The following ANK2 variants were observed in gnomAD, a reference collection of about 807,000 sequenced individuals.
ANK2 encodes ankyrin 2.
ANK2 carries 83 observed loss-of-function variants against 360.5 expected under a neutral mutation model. The ratio of observed to expected loss-of-function variants is 0.23; its 90% confidence interval spans 0.19 to 0.28. The LOEUF (loss-of-function observed/expected upper bound fraction) is 0.28. Ranked by LOEUF, ANK2 falls within the 10% of genes least tolerant of loss-of-function variation. The pLI, the probability that ANK2 is intolerant of heterozygous loss-of-function variation, is 1.00. For synonymous variants in ANK2, 1,740 were observed against 1,759.5 expected, an observed-to-expected ratio of 0.99 and a Z score of 0.28; for missense variants, 4,201 against 4,795.7, an observed-to-expected ratio of 0.88 and a Z score of 3.66.
chr4:112,870,974 C>A (rs2072779424), intron 1 of ANK2, among the ~76,000 whole-genome samples: 1 of 152,088 alleles, frequency 6.6e-6, no homozygotes, highest in South Asian at 2.1e-4. Context: ...CAGTATTGTG[C>A]AGTTTTCAGT....
At chr4:112,819,044 C>T (rs1409775352) in intron 1 of ANK2, among the ~76,000 whole-genome samples, 2 of 152,162 alleles carry the variant, frequency 1.3e-5, no homozygotes, top group African/African-American at 2.4e-5. Context: ...GCACCACATT[C>T]CCACACTCAT....
chr4:112,893,203 A>G (rs2080642294), intron 1 of ANK2, among the ~76,000 whole-genome samples: 1 of 152,186 alleles, frequency 6.6e-6, no homozygotes, highest in South Asian at 2.1e-4. Context: ...GGGAAAGTGC[A>G]TTATACCTAT....
chr4:113,076,079 A>G (rs2079820469), intron 1 of ANK2, among the ~76,000 whole-genome samples: 1 of 152,202 alleles, frequency 6.6e-6, no homozygotes, highest in African/African-American at 2.4e-5. Flanking sequence ...GAGAAAACAA[A>G]AACAAAAAAC....
the ANK2 span, among the ~76,000 whole-genome samples, chr4:112,749,373 A>G: frequency 6.6e-6 from 1 of 152,202 alleles, no homozygotes; most frequent in East Asian, 1.9e-4. Flanking sequence ...CTCTGGTGGG[A>G]AAAAATGTTT....
At chr4:113,056,351 T>C (rs1357389033) in intron 1 of ANK2, among the ~76,000 whole-genome samples, 1 of 152,216 alleles carries the variant, frequency 6.6e-6, no homozygotes, top group Non-Finnish European at 1.5e-5. Context: ...TCCTTCTTGA[T>C]AAAGTTTCTA....
At chr4:113,153,386 T>A (rs1484081181) in intron 1 of ANK2, among the ~76,000 whole-genome samples, 2 of 152,178 alleles carry the variant, frequency 1.3e-5, no homozygotes, top group Non-Finnish European at 2.9e-5. Flanking sequence ...AAAACAGAAG[T>A]ACATAGAAAA....
intron 2 of ANK2, among the ~76,000 whole-genome samples, chr4:112,943,298 CTG>C (rs1336346090): frequency 6.6e-6 from 1 of 152,026 alleles, no homozygotes; most frequent in Non-Finnish European, 1.5e-5. Flanking sequence ...TTGTAATAAA[CTG>C]TAAGTTCTTT....
chr4:113,120,030 A>T (rs1349759030), intron 1 of ANK2, among the ~76,000 whole-genome samples: 1 of 152,126 alleles, frequency 6.6e-6, no homozygotes. Context: ...AACAATATAT[A>T]CTAAGAGATC....
chr4:113,378,284 T>G lies in ANK2; in HGVS notation c.11860-3173T>G. 2 of 408,906 alleles carry G rather than the reference T, an allele frequency of 4.9e-6. 1 individual carries two copies. Among genetic ancestry groups the G allele is most frequent in the African/African-American group, 4.2e-5 (2 of 47,414 alleles). The allele number at this position is 408,906 out of a possible 1,614,324, so 25.3% of individuals were successfully genotyped here. A position where few individuals can be genotyped will look rare whatever the true frequency, so the allele number is the denominator to read the frequency against. On this transcript the variant is annotated intron_variant, in intron 45 of 45. Transcript: ENST00000357077. Reference sequence around the variant, plus strand: ...ATCCCTACATCTACCCTAAAGAGGATAGAAAACTGCCTACTCTCCTGTATT... The same window carrying G: ...ATCCCTACATCTACCCTAAAGAGGAGAGAAAACTGCCTACTCTCCTGTATT...
intron 14 of ANK2, among the ~76,000 whole-genome samples, chr4:113,266,358 G>A (rs936860756): frequency 6.6e-6 from 1 of 152,046 alleles, no homozygotes; most frequent in Non-Finnish European, 1.5e-5. Flanking sequence ...TCTATCATTG[G>A]TGGGCATTTG....
intron 2 of ANK2, among the ~76,000 whole-genome samples, chr4:113,015,161 G>A (rs1335320424): frequency 6.6e-6 from 1 of 152,032 alleles, no homozygotes; most frequent in Non-Finnish European, 1.5e-5. Context: ...CCCGGCCAGA[G>A]CTTTTTATCT....
At chr4:113,037,468 G>A (rs1221476289) in intron 2 of ANK2, among the ~76,000 whole-genome samples, 1 of 151,876 alleles carries the variant, frequency 6.6e-6, no homozygotes, top group African/African-American at 2.4e-5. Flanking sequence ...CAAATTAACA[G>A]GCTGGCAAAA....
intron 1 of ANK2, among the ~76,000 whole-genome samples, chr4:112,891,696 C>A (rs1223460834): frequency 6.6e-6 from 1 of 152,044 alleles, no homozygotes; most frequent in African/African-American, 2.4e-5. Context: ...ATTATTAATA[C>A]CATTTAATTG....
the ANK2 span, among the ~76,000 whole-genome samples, chr4:112,758,060 C>G: frequency 7.3e-6 from 1 of 137,184 alleles, no homozygotes; most frequent in Non-Finnish European, 1.5e-5. Flanking sequence ...TGTGCCATCA[C>G]ACCCGGCTAA....
chr4:112,956,607 G>A (rs550012630), intron 2 of ANK2, among the ~76,000 whole-genome samples: 1 of 152,338 alleles, frequency 6.6e-6, no homozygotes, highest in Non-Finnish European at 1.5e-5. Flanking sequence ...CATGTCCTAA[G>A]CAGCATGAGA....
intron 2 of ANK2, among the ~76,000 whole-genome samples, chr4:112,929,514 A>G (rs555552654): frequency 6.6e-6 from 1 of 152,150 alleles, no homozygotes; most frequent in Non-Finnish European, 1.5e-5. Flanking sequence ...CATTTTGAGG[A>G]TTCATTGTGT....
At chr4:113,086,650 A>G (rs2084933535) in intron 1 of ANK2, among the ~76,000 whole-genome samples, 1 of 152,216 alleles carries the variant, frequency 6.6e-6, no homozygotes, top group South Asian at 2.1e-4. Context: ...AAACAAACAA[A>G]CAAAAAAACC....
intron 14 of ANK2, among the ~76,000 whole-genome samples, chr4:113,266,107 A>G (rs1374085170): frequency 6.6e-6 from 1 of 151,936 alleles, no homozygotes; most frequent in Non-Finnish European, 1.5e-5. Flanking sequence ...TTTCTCCCCT[A>G]GCCCCCTACC....
intron 4 of ANK2, among the ~76,000 whole-genome samples, chr4:113,200,465 T>G (rs1037288446): frequency 2.6e-5 from 4 of 152,216 alleles, no homozygotes; most frequent in African/African-American, 9.6e-5. Context: ...TTTTTCAACC[T>G]TCAGTCCCTT....
Sources: gnomAD v4.1 joint callset for allele counts (sites outside exome capture counted in the v4.1 genomes callset) on GRCh38, gnomAD v4.1.1 for gene constraint, MANE v1.5 for transcripts, NCBI Gene and HGNC (gene_info 2026-07-23, HGNC 2026-07-21) for gene names.